GLG1: variants seen among roughly 807,000 people sequenced by gnomAD.
GLG1 encodes the protein golgi glycoprotein 1.
GLG1 carries 38 observed loss-of-function variants against 160.5 expected under a neutral mutation model. The observed-to-expected ratio is 0.24, with a 90% CI of 0.18 to 0.31. The LOEUF (loss-of-function observed/expected upper bound fraction) is 0.31, where lower values mean the gene tolerates loss of function less well. Ranked by LOEUF, GLG1 falls within the 10% of genes least tolerant of loss-of-function variation. The pLI, the probability that GLG1 is intolerant of heterozygous loss-of-function variation, is 1.00. For synonymous variants in GLG1, 644 were observed against 543.4 expected (o/e 1.19, Z -2.57); for missense variants, 1,373 against 1,505.2 (o/e 0.91, Z 1.45).
chr16:74,601,531 C>A (rs1199641341), intron 1 of GLG1, among the ~76,000 whole-genome samples: 2 of 152,142 alleles, frequency 1.3e-5, no homozygotes, highest in African/African-American at 4.8e-5. Flanking sequence ...GCTCTAGTCT[C>A]AGTTCACTTT....
At chr16:74,533,952 T>C (rs939750843) in intron 1 of GLG1, among the ~76,000 whole-genome samples, 6 of 152,140 alleles carry the variant, frequency 3.9e-5, no homozygotes, top group African/African-American at 1.4e-4. Flanking sequence ...ATAAAGAAAA[T>C]AGAACACATC....
chr16:74,586,212 G>C (rs1411004379), intron 1 of GLG1, among the ~76,000 whole-genome samples: 1 of 152,036 alleles, frequency 6.6e-6, no homozygotes, highest in East Asian at 1.9e-4. Flanking sequence ...GGAACCACAA[G>C]ATAAAAGGAA....
In GLG1 at chr16:74,548,606, C is replaced by T. The variant is rs1403679817; in HGVS notation, c.439-16453G>A. ...ATCAACAGCTTCTCCCAAACAACTT[C>T]CTTCGTGGACAATTTTTCAGGACTT... On this transcript the variant is annotated intron_variant, in intron 1 of 25. Coordinates refer to ENST00000422840, the MANE Select transcript of GLG1 (RefSeq NM_001145667.2). 7.2e-5 allele frequency among the ~76,000 whole-genome samples: 11 copies of T among 152,248 alleles called. No homozygotes were observed. In the East Asian group the frequency reaches 1.7e-3, roughly 24 times the overall value.
chr16:74,598,243 C>T (rs907786183), intron 1 of GLG1, among the ~76,000 whole-genome samples: 23 of 152,174 alleles, frequency 1.5e-4, no homozygotes, highest in African/African-American at 5.3e-4. Context: ...AAAAATTGGT[C>T]GGGCGCGGTG....
At chr16:74,480,183 A>G in intron 11 of GLG1, 58 bp downstream of exon 11, 1 of 1,394,644 alleles carries the variant, frequency 7.2e-7, no homozygotes. Context: ...AATATACAGC[A>G]AACAATTTAA....
chr16:74,559,169 C>A (rs1210460040), intron 1 of GLG1, among the ~76,000 whole-genome samples: 1 of 152,128 alleles, frequency 6.6e-6, no homozygotes, highest in Non-Finnish European at 1.5e-5. Context: ...CTGGGCCTGG[C>A]CTTTTATTTT....
At chr16:74,480,974 CT>C (rs1378881322) in intron 10 of GLG1, among the ~76,000 whole-genome samples, 2 of 152,186 alleles carry the variant, frequency 1.3e-5, no homozygotes, top group Non-Finnish European at 2.9e-5. Flanking sequence ...TCAAAGATAT[CT>C]TGGCTTTGTT....
intron 2 of GLG1, among the ~76,000 whole-genome samples, chr16:74,515,110 T>C (rs1266999884): frequency 4.6e-5 from 7 of 152,226 alleles, no homozygotes; most frequent in Admixed American, 3.9e-4. Context: ...CCTAAATATA[T>C]ATGCACCCAA....
intron 1 of GLG1, among the ~76,000 whole-genome samples, chr16:74,560,116 T>G (rs947398025): frequency 3.3e-5 from 5 of 152,208 alleles, no homozygotes; most frequent in African/African-American, 1.2e-4. Context: ...AACATTGTTC[T>G]GGGTGGGTCT....
At chr16:74,543,086 T>C (rs1597329803) in intron 1 of GLG1, among the ~76,000 whole-genome samples, 1 of 152,072 alleles carries the variant, frequency 6.6e-6, no homozygotes, top group Admixed American at 6.6e-5. Context: ...TTACTTGAAC[T>C]GGCCTAAGCA....
intron 1 of GLG1, among the ~76,000 whole-genome samples, chr16:74,584,273 T>C (rs950517185): frequency 2.0e-5 from 3 of 152,210 alleles, no homozygotes; most frequent in Non-Finnish European, 1.5e-5. Flanking sequence ...CCACTAGCCA[T>C]GCACGGCTTC....
intron 5 of GLG1, 52 bp from the exon 6 acceptor site, chr16:74,494,883 G>A (rs762595682): frequency 5.2e-5 from 46 of 881,986 alleles, no homozygotes; most frequent in Non-Finnish European, 8.5e-5. Context: ...TAGTTATGCT[G>A]AACATTATCC....
At chr16:74,471,112 A>G in intron 15 of GLG1, 61 bp downstream of exon 15, 1 of 917,032 alleles carries the variant, frequency 1.1e-6, no homozygotes, top group Admixed American at 1.7e-5. Context: ...CCAAAAAAGG[A>G]AAGGATTCAG....
intron 16 of GLG1, chr16:74,469,285 G>C (rs1180229071): frequency 7.0e-6 from 4 of 571,948 alleles, no homozygotes; most frequent in Non-Finnish European, 1.3e-5. Flanking sequence ...CTACATTCCT[G>C]ACAGAAGGGG....
At chr16:74,598,718 C>T (rs1018635576) in intron 1 of GLG1, among the ~76,000 whole-genome samples, 2 of 150,458 alleles carry the variant, frequency 1.3e-5, no homozygotes, top group Non-Finnish European at 1.5e-5. Context: ...CATGGTGAAA[C>T]CTCGTCTCTA....
At chr16:74,577,510 G>A (rs1425208665) in intron 1 of GLG1, among the ~76,000 whole-genome samples, 1 of 88,414 alleles carries the variant, frequency 1.1e-5, no homozygotes, top group Non-Finnish European at 2.0e-5. Context: ...AAACAAGAGT[G>A]AAACTCCATC....
In GLG1 at chr16:74,459,804, C is replaced by T; in HGVS notation, c.3037-15G>A. On this transcript the variant is annotated splice_polypyrimidine_tract_variant and intron_variant, in intron 22 of 25. Transcript: ENST00000422840. ...AGACTGGAGATCTGTTCAGGAGACA[C>T]AAAAAACAAAGCTACCCCACTGAGC... 7.4e-7 allele frequency: 1 copy of T among 1,352,612 alleles called. No homozygotes were observed. Among genetic ancestry groups the T allele is most frequent in the Non-Finnish European group, 1.0e-6 (1 of 965,306 alleles). 83.8% of individuals were successfully genotyped at this position (1,352,612 alleles called of 1,614,324 possible). A position where few individuals can be genotyped will look rare whatever the true frequency, so the allele number is the denominator to read the frequency against.
chr16:74,539,429 A>AT (rs1339139661), intron 1 of GLG1, among the ~76,000 whole-genome samples: 4 of 151,570 alleles, frequency 2.6e-5, no homozygotes, highest in Non-Finnish European at 5.9e-5. Flanking sequence ...TGAGTGGGCT[A>AT]TGTTGACGTT....
Position 74,463,493 on chromosome 16 carries a change from GT to G in GLG1, c.2668-15del, listed in dbSNP as rs764737645. The stretch of plus-strand genomic sequence containing the variant: ...CGGACAGAACCTCTGCAAAGAAACA[GT>G]TTGATAAAAACAGCTATCTAAACAT... On this transcript the variant is annotated splice_polypyrimidine_tract_variant and intron_variant, in intron 19 of 25. Transcript: ENST00000422840. 6.2e-7 allele frequency: 1 copy of G among 1,613,070 alleles called. No homozygotes were observed. Among genetic ancestry groups the G allele is most frequent in the Non-Finnish European group, 8.5e-7 (1 of 1,179,518 alleles).
Sources: allele counts gnomAD v4.1 joint callset (sites outside exome capture counted in the v4.1 genomes callset), GRCh38; gene constraint gnomAD v4.1.1; transcripts MANE v1.5; gene names NCBI Gene and HGNC (gene_info 2026-07-23, HGNC 2026-07-21).